Variants in PAX3 observed in about 807,000 individuals in gnomAD.
PAX3 encodes the protein paired box protein Pax-3.
A neutral mutation model predicts 51.6 loss-of-function variants in PAX3; 14 were observed. The observed-to-expected ratio is 0.27, with a 90% CI of 0.18 to 0.42. PAX3 has a LOEUF of 0.42. Ranked by LOEUF, PAX3 falls within the 10% of genes least tolerant of loss-of-function variation. The pLI is 1.00. For missense variants in PAX3, 540 were observed against 642.8 expected, an observed-to-expected ratio of 0.84 and a Z score of 1.73; for synonymous variants, 280 against 253.4, an observed-to-expected ratio of 1.11 and a Z score of -1.00.
At chr2:222,215,511 G>T (rs532127071) in intron 7 of PAX3, among the ~76,000 whole-genome samples, 1 of 152,020 alleles carries the variant, frequency 6.6e-6, no homozygotes, top group Admixed American at 6.6e-5. Context: ...GGCATGAAAT[G>T]ATAAAAGTTT....
chr2:222,278,342 T>C (rs1379566772), intron 4 of PAX3, among the ~76,000 whole-genome samples: 1 of 152,112 alleles, frequency 6.6e-6, no homozygotes, highest in Non-Finnish European at 1.5e-5. Flanking sequence ...TGTGCCCCAG[T>C]CCTCTAGAGG....
chr2:222,237,326 GCACACACACACA>G (rs3075849), intron 4 of PAX3, among the ~76,000 whole-genome samples: 4 of 146,562 alleles, frequency 2.7e-5, no homozygotes, highest in Admixed American at 6.8e-5. Context: ...TTTATCACAT[GCACACACACACA>G]CACACACACA....
At chr2:222,274,930 T>A (rs1171655494) in intron 4 of PAX3, among the ~76,000 whole-genome samples, 1 of 152,196 alleles carries the variant, frequency 6.6e-6, no homozygotes, top group African/African-American at 2.4e-5. Flanking sequence ...AATCAGTCAG[T>A]TTTGTCTGTG....
chr2:222,210,090 G>A (rs1290115169), intron 7 of PAX3, among the ~76,000 whole-genome samples: 1 of 152,098 alleles, frequency 6.6e-6, no homozygotes, highest in Non-Finnish European at 1.5e-5. Context: ...TCCACCTGAT[G>A]ACTTGTGCTT....
rs963132710 is a variant in PAX3 at position 222,227,356 on chromosome 2, G to A, written c.792+4722C>T. ...CACCTGTAATCTCAGCACTTTGGGA[G>A]GCCAAAAAATAGGAGGATTACTTGA... On this transcript the variant is annotated intron_variant, in intron 5 of 8. Coordinates refer to ENST00000392070, the MANE Select transcript of PAX3 (RefSeq NM_181458.4). 5.9e-5 allele frequency among the ~76,000 whole-genome samples: 9 copies of A among 152,224 alleles called. 2 individuals are homozygous for A. Among genetic ancestry groups the A allele is most frequent in the Admixed American group, 5.2e-4 (8 of 15,296 alleles).
intron 5 of PAX3, among the ~76,000 whole-genome samples, chr2:222,223,101 G>T (rs1311378735): frequency 2.6e-5 from 4 of 152,156 alleles, no homozygotes; most frequent in Admixed American, 6.5e-5. Flanking sequence ...TCATTTAAGA[G>T]CGGAGGAAAA....
intron 4 of PAX3, chr2:222,263,914 T>G (rs766392876): frequency 1.3e-5 from 2 of 152,182 alleles, no homozygotes; most frequent in African/African-American, 4.8e-5. Flanking sequence ...ATTCCACTTA[T>G]AAGATATTCT....
At position 222,263,991 on chromosome 2, in the gene PAX3, T is replaced by C. The variant is rs548168935; in HGVS notation, c.586+30176A>G. The C allele has an allele frequency of 3.9e-5, 6 of 152,290 alleles. No individual in the cohort carries two copies. In the South Asian group the frequency reaches 1.2e-3, roughly 32 times the overall value. The allele number at this position is 152,290 out of a possible 1,614,324, so 9.4% of individuals were successfully genotyped here. On this transcript the variant is annotated intron_variant, in intron 4 of 8. Transcript: ENST00000392070. ...TCCAGGGACTAAGAGCAGTAGAGAATACAATTTCAAAGCGAGGTTTTTGGA... is the reference window on the plus strand; with the variant it reads ...TCCAGGGACTAAGAGCAGTAGAGAACACAATTTCAAAGCGAGGTTTTTGGA...
chr2:222,254,729 C>T (rs538174289), intron 4 of PAX3, among the ~76,000 whole-genome samples: 4 of 152,284 alleles, frequency 2.6e-5, no homozygotes, highest in African/African-American at 9.6e-5. Context: ...ATCAACATGG[C>T]ATTTATCATA....
At chr2:222,290,366 C>G (rs1694984793) in intron 4 of PAX3, among the ~76,000 whole-genome samples, 1 of 152,192 alleles carries the variant, frequency 6.6e-6, no homozygotes, top group Non-Finnish European at 1.5e-5. Context: ...TTTAAGAAAG[C>G]ACTCTTTTTT....
At chr2:222,264,513 T>C (rs1417231796) in intron 4 of PAX3, 1 of 152,236 alleles carries the variant, frequency 6.6e-6, no homozygotes, top group South Asian at 2.1e-4. Flanking sequence ...GCCATTGAAT[T>C]GTTCACTTTA....
chr2:222,262,130 C>T (rs1324134584), intron 4 of PAX3, among the ~76,000 whole-genome samples: 3 of 152,204 alleles, frequency 2.0e-5, no homozygotes, highest in Non-Finnish European at 2.9e-5. Flanking sequence ...TTTTGCTCAA[C>T]ATAACATTTT....
chr2:222,251,680 G>T (rs1337481434), intron 4 of PAX3, among the ~76,000 whole-genome samples: 1 of 152,030 alleles, frequency 6.6e-6, no homozygotes, highest in Non-Finnish European at 1.5e-5. Context: ...CTGAGGAATC[G>T]CCACACTGAC....
intron 4 of PAX3, among the ~76,000 whole-genome samples, chr2:222,239,481 A>C (rs966969412): frequency 6.6e-6 from 1 of 152,158 alleles, no homozygotes; most frequent in Admixed American, 6.5e-5. Flanking sequence ...TTTTTAATTT[A>C]TTTTAAAATT....
intron 4 of PAX3, among the ~76,000 whole-genome samples, chr2:222,279,302 T>C (rs1694548662): frequency 8.5e-6 from 1 of 117,290 alleles, no homozygotes; most frequent in Non-Finnish European, 1.8e-5. Flanking sequence ...TGCAAGCCTG[T>C]GCGTGTGTGT....
At chr2:222,294,066 T>C in intron 4 of PAX3, 101 bp downstream of exon 4, 1 of 1,586,388 alleles carries the variant, frequency 6.3e-7, no homozygotes, top group South Asian at 1.2e-5. Flanking sequence ...GAAGGGACCT[T>C]GATCCGAGCT....
chr2:222,279,629 A>G (rs1021350359), intron 4 of PAX3, among the ~76,000 whole-genome samples: 3 of 152,198 alleles, frequency 2.0e-5, no homozygotes, highest in Non-Finnish European at 4.4e-5. Context: ...AAGTTTTTCC[A>G]TAAGAATTTT....
intron 4 of PAX3, among the ~76,000 whole-genome samples, chr2:222,282,672 C>T (rs1415081828): frequency 6.6e-6 from 1 of 151,758 alleles, no homozygotes; most frequent in African/African-American, 2.4e-5. Flanking sequence ...TTCTGGCTTA[C>T]AAAGAAAAAT....
intron 5 of PAX3, among the ~76,000 whole-genome samples, chr2:222,224,187 A>G (rs1016303282): frequency 3.9e-5 from 6 of 152,206 alleles, no homozygotes; most frequent in African/African-American, 1.4e-4. Flanking sequence ...AAGTCCTTAT[A>G]TTTATTATAC....
Sources: allele counts gnomAD v4.1 joint callset (sites outside exome capture counted in the v4.1 genomes callset), GRCh38; gene constraint gnomAD v4.1.1; transcripts MANE v1.5; gene names NCBI Gene and HGNC (gene_info 2026-07-23, HGNC 2026-07-21).